The following GALNT7 variants were observed in gnomAD, a reference collection of about 807,000 sequenced individuals.
GALNT7 encodes the protein polypeptide N-acetylgalactosaminyltransferase 7.
A neutral mutation model predicts 82.1 loss-of-function variants in GALNT7; 60 were observed. The ratio of observed to expected loss-of-function variants is 0.73; its 90% CI spans 0.59 to 0.91. The LOEUF is 0.91. GALNT7 is among the 40% of genes least tolerant of loss of function. The pLI, the probability that GALNT7 is intolerant of heterozygous loss-of-function variation, is 0.00. For synonymous variants in GALNT7, 243 were observed against 275.1 expected (o/e 0.88, Z 1.15); for missense variants, 660 against 804.2 (o/e 0.82, Z 2.17).
At chr4:173,295,100 CAT>C (rs539916001) in intron 3 of GALNT7, among the ~76,000 whole-genome samples, 255 of 152,296 alleles carry the variant, frequency 1.7e-3, no homozygotes, top group African/African-American at 5.8e-3. Context: ...TTGACATTAA[CAT>C]GTGAACAGGA....
intron 2 of GALNT7, among the ~76,000 whole-genome samples, chr4:173,273,534 C>G (rs1044733272): frequency 6.6e-6 from 1 of 152,276 alleles, no homozygotes; most frequent in African/African-American, 2.4e-5. Context: ...ACAGACCTCA[C>G]CAGGTTTTCT....
intron 2 of GALNT7, among the ~76,000 whole-genome samples, chr4:173,263,268 G>A (rs61241252): frequency 0.18 from 27,444 of 152,148 alleles, 5,044 homozygotes; most frequent in African/African-American, 0.47. Flanking sequence ...TTTGTCATCA[G>A]CAGTCTTCCA....
At chr4:173,272,803 A>G (rs1735776598) in intron 2 of GALNT7, among the ~76,000 whole-genome samples, 1 of 152,248 alleles carries the variant, frequency 6.6e-6, no homozygotes, top group Admixed American at 6.5e-5. Flanking sequence ...GCCAACATAT[A>G]TTCTTACTAA....
intron 1 of GALNT7, among the ~76,000 whole-genome samples, chr4:173,212,483 C>G (rs986753228): frequency 5.3e-5 from 8 of 152,110 alleles, no homozygotes; most frequent in Non-Finnish European, 7.4e-5. Context: ...TTGAAAGAGG[C>G]TTCAGTTTAG....
intron 2 of GALNT7, among the ~76,000 whole-genome samples, chr4:173,277,040 T>A (rs1735936727): frequency 6.6e-6 from 1 of 151,950 alleles, no homozygotes; most frequent in Non-Finnish European, 1.5e-5. Flanking sequence ...ATAGATTGAT[T>A]GATAGATTGA....
chr4:173,199,362 A>G (rs1732873899), intron 1 of GALNT7, among the ~76,000 whole-genome samples: 1 of 152,170 alleles, frequency 6.6e-6, no homozygotes, highest in Non-Finnish European at 1.5e-5. Flanking sequence ...CTGCATGCGA[A>G]CACTGGGGAC....
chr4:173,239,685 A>G (rs1735815158), intron 1 of GALNT7, among the ~76,000 whole-genome samples: 1 of 152,218 alleles, frequency 6.6e-6, no homozygotes, highest in African/African-American at 2.4e-5. Flanking sequence ...TCACATTTAC[A>G]AAATAGAACA....
chr4:173,272,199 G>T (rs1735752297), intron 2 of GALNT7, among the ~76,000 whole-genome samples: 1 of 152,008 alleles, frequency 6.6e-6, no homozygotes, highest in Admixed American at 6.6e-5. Flanking sequence ...TATTTGTTTT[G>T]CCCTTTTCCA....
At chr4:173,312,198 A>C (rs1240884721) in intron 8 of GALNT7, among the ~76,000 whole-genome samples, 2 of 152,238 alleles carry the variant, frequency 1.3e-5, no homozygotes, top group Non-Finnish European at 2.9e-5. Context: ...ATTGAGTATT[A>C]TTTTAGTTCA....
At chr4:173,235,265 T>G (rs967763529) in intron 1 of GALNT7, among the ~76,000 whole-genome samples, 2 of 152,186 alleles carry the variant, frequency 1.3e-5, no homozygotes, top group African/African-American at 2.4e-5. Context: ...TTAACTCACT[T>G]TTTACTGCTC....
At chr4:173,197,063 C>CTTTTTTTTTTTTTTTTTT (rs5864189) in intron 1 of GALNT7, among the ~76,000 whole-genome samples, 1 of 117,946 alleles carries the variant, frequency 8.5e-6, no homozygotes, top group Non-Finnish European at 1.7e-5. Flanking sequence ...CTCTCTCTCC[C>CTTTTTTTTTTTTTTTTTT]TTTTTTTTTT....
intron 1 of GALNT7, among the ~76,000 whole-genome samples, chr4:173,239,529 G>A (rs1429373796): frequency 3.9e-5 from 6 of 152,192 alleles, no homozygotes; most frequent in South Asian, 2.1e-4. Flanking sequence ...TCACACGTAC[G>A]AAAGCCGAAA....
chr4:173,169,825 G>C (rs959480457), intron 1 of GALNT7, among the ~76,000 whole-genome samples: 1 of 151,978 alleles, frequency 6.6e-6, no homozygotes, highest in Non-Finnish European at 1.5e-5. Context: ...CGGCAGGGCT[G>C]CTTGGGCCGG....
In GALNT7 at chr4:173,168,954, G is replaced by A. The variant is rs774383117; in HGVS notation, c.119G>A (p.Arg40Lys). 6.2e-7 allele frequency: 1 copy of A among 1,613,392 alleles called. No individual in the cohort carries two copies. Among genetic ancestry groups the A allele is most frequent in the South Asian group, 1.1e-5 (1 of 91,078 alleles). ...CCGGACGACCCAAGCCCGCTGAGCAGGATGAGGGTGAGTGACCCGCCCGGC... is the reference window on the plus strand; with the variant it reads ...CCGGACGACCCAAGCCCGCTGAGCAAGATGAGGGTGAGTGACCCGCCCGGC... The part of the protein sequence containing the change: ...PRPDDPSPLS[R>K]MREDRDVNDP... Residue 40 changes from arginine (R) to lysine (K), a missense_variant, in exon 1 of 12, where the codon AGG becomes AAG. Arg to Lys is a conservative substitution (Grantham distance 26, BLOSUM62 2). Around this residue, in one of 2 missense-constraint regions of GALNT7, gnomAD observed 133 missense variants for 120.7 expected, o/e 1.10. Coordinates refer to ENST00000265000, the MANE Select transcript of GALNT7 (RefSeq NM_017423.3).
At chr4:173,181,292 G>A (rs1267551538) in intron 1 of GALNT7, among the ~76,000 whole-genome samples, 1 of 152,182 alleles carries the variant, frequency 6.6e-6, no homozygotes, top group Admixed American at 6.5e-5. Flanking sequence ...TTCGTTAACT[G>A]TTGCTCCCTG....
chr4:173,206,076 C>G (rs1169867885), intron 1 of GALNT7, among the ~76,000 whole-genome samples: 9 of 152,236 alleles, frequency 5.9e-5, no homozygotes, highest in Non-Finnish European at 1.5e-5. Context: ...GGGCCTGGAG[C>G]CTGTATCTGC....
At chr4:173,315,948 T>G (rs1346291117) in intron 9 of GALNT7, 1 of 152,322 alleles carries the variant, frequency 6.6e-6, no homozygotes. Flanking sequence ...TTCCAGAATC[T>G]GATCCCTTGT....
intron 5 of GALNT7, among the ~76,000 whole-genome samples, chr4:173,297,326 C>T (rs946915225): frequency 6.6e-5 from 10 of 151,064 alleles, no homozygotes; most frequent in African/African-American, 2.4e-4. Flanking sequence ...AACACATTTT[C>T]ATAACTGTTC....
chr4:173,320,675 T>A lies in GALNT7; in HGVS notation c.1837-905T>A, dbSNP rs1248693332. On this transcript the variant is annotated intron_variant, in intron 11 of 11. Transcript: ENST00000265000. The surrounding 1 kb of genome is among the most constrained non-coding windows in gnomAD (Gnocchi z 4.1). ...TTTTTTATTGTACACCACAACTTAA[T>A]AATTAAGTGGTAGTTTCTTAAAAGT... Among the ~76,000 whole-genome samples the A allele has an allele frequency of 6.6e-6, 1 of 152,186 alleles. No individual in the cohort carries two copies. The highest frequency in any genetic ancestry group is 1.9e-4 in the East Asian group (1 of 5,196).
Sources: gnomAD v4.1 joint callset for allele counts (sites outside exome capture counted in the v4.1 genomes callset) on GRCh38, gnomAD v4.1.1 for gene constraint, gnomAD v4.1.1 regional missense constraint, Gnocchi (gnomAD v3.1) non-coding constraint, MANE v1.5 for transcripts, NCBI Gene and HGNC (gene_info 2026-07-23, HGNC 2026-07-21) for gene names.